Variants in FHOD3 observed in about 807,000 individuals in gnomAD.
FHOD3 encodes formin homology 2 domain containing 3, also known as FH1/FH2 domain-containing protein 3.
FHOD3 carries 90 observed loss-of-function variants against 173.0 expected under a neutral mutation model. The observed-to-expected ratio is 0.52, with a 90% CI of 0.44 to 0.62. The LOEUF is 0.62. Ranked by LOEUF, FHOD3 falls within the 20% of genes least tolerant of loss-of-function variation. The probability of loss-of-function intolerance (pLI) is 0.00; values close to 1 mark genes in which losing one functional copy is unlikely to be tolerated. For synonymous variants in FHOD3, 828 were observed against 823.0 expected (o/e 1.01, Z -0.10); for missense variants, 1,945 against 2,034.7 (o/e 0.96, Z 0.85).
chr18:36,635,926 A>G (rs756078055), intron 10 of FHOD3, among the ~76,000 whole-genome samples: 1 of 152,366 alleles, frequency 6.6e-6, no homozygotes. Context: ...GAACCTTGAC[A>G]TCAGTTATCA....
At position 36,747,061 on chromosome 18, in the gene FHOD3, G is replaced by A. The variant is rs1340595537; in HGVS notation, c.4158G>A (p.Arg1386=). The A allele has an allele frequency of 6.2e-7, 1 of 1,614,114 alleles. No individual in the cohort carries two copies. The highest frequency in any genetic ancestry group is 1.1e-5 in the South Asian group (1 of 91,060). ...AAATGAAACCAGTTTTAAAACAACG[G>A]ATGTCAGAGTTCCTGAAAGACTGTG... The part of the protein sequence containing the change: ...KHEMKPVLKQ[R]MSEFLKDCAE... Residue 1386 remains arginine (R), a synonymous_variant, in exon 24 of 29, where the codon CGG becomes CGA. Coordinates refer to ENST00000590592, the MANE Select transcript of FHOD3 (RefSeq NM_001281740.3).
intron 5 of FHOD3, among the ~76,000 whole-genome samples, chr18:36,548,016 A>G (rs1028471666): frequency 2.0e-5 from 3 of 152,106 alleles, no homozygotes; most frequent in African/African-American, 7.2e-5. Flanking sequence ...ACATGGTGAA[A>G]CCCTGTCTCT....
At chr18:36,329,624 C>T (rs1213452166) in intron 1 of FHOD3, among the ~76,000 whole-genome samples, 1 of 152,098 alleles carries the variant, frequency 6.6e-6, no homozygotes, top group Non-Finnish European at 1.5e-5. Context: ...CAGGATGTGA[C>T]TGGGGGATGC....
At chr18:36,666,478 T>G (rs998920693) in intron 14 of FHOD3, among the ~76,000 whole-genome samples, 1 of 152,218 alleles carries the variant, frequency 6.6e-6, no homozygotes, top group Non-Finnish European at 1.5e-5. Context: ...CCTGTATCAT[T>G]AGACAGGGTG....
At chr18:36,589,900 G>A (rs995033429) in intron 6 of FHOD3, among the ~76,000 whole-genome samples, 1 of 152,106 alleles carries the variant, frequency 6.6e-6, no homozygotes, top group African/African-American at 2.4e-5. Flanking sequence ...AAATGGGCAG[G>A]TGCTTGAGCC....
At chr18:36,467,628 A>G (rs997007390) in intron 3 of FHOD3, among the ~76,000 whole-genome samples, 3 of 152,134 alleles carry the variant, frequency 2.0e-5, no homozygotes, top group African/African-American at 4.8e-5. Context: ...GAAAGGTCAC[A>G]TGAGCTTTCT....
Position 36,709,092 on chromosome 18 carries a change from C to T in FHOD3, c.2237-3C>T. On this transcript the variant is annotated splice_region_variant and splice_polypyrimidine_tract_variant and intron_variant, in intron 17 of 28. Transcript: ENST00000590592. Reference sequence around the variant, plus strand: ...ATATAATCTCCATTGTTGTCTCCACCAGCAAGTGCCGGGGATCCTGAACCC... The same window carrying T: ...ATATAATCTCCATTGTTGTCTCCACTAGCAAGTGCCGGGGATCCTGAACCC... 1.2e-6 allele frequency: 2 copies of T among 1,611,540 alleles called. No individual in the cohort carries two copies. Among genetic ancestry groups the T allele is most frequent in the Non-Finnish European group, 8.5e-7 (1 of 1,177,936 alleles).
intron 3 of FHOD3, among the ~76,000 whole-genome samples, chr18:36,496,875 C>T (rs1048415582): frequency 6.6e-6 from 1 of 152,136 alleles, no homozygotes; most frequent in East Asian, 1.9e-4. Flanking sequence ...GTAACAGATG[C>T]CACATGGTGG....
chr18:36,522,173 G>A (rs943647326), intron 5 of FHOD3, among the ~76,000 whole-genome samples: 3 of 152,160 alleles, frequency 2.0e-5, no homozygotes, highest in Non-Finnish European at 4.4e-5. Flanking sequence ...TCCTTGTTCT[G>A]TGAGATCCTT....
intron 3 of FHOD3, among the ~76,000 whole-genome samples, chr18:36,483,602 C>T (rs1403303476): frequency 6.6e-6 from 1 of 152,180 alleles, no homozygotes; most frequent in African/African-American, 2.4e-5. Context: ...TAGTAAAACA[C>T]ATTACCAAGT....
At chr18:36,591,276 C>T (rs938722539) in intron 6 of FHOD3, among the ~76,000 whole-genome samples, 10 of 152,212 alleles carry the variant, frequency 6.6e-5, no homozygotes, top group African/African-American at 2.4e-4. Flanking sequence ...GTTCCCAGCA[C>T]TCTAAAGTAC....
At chr18:36,504,605 G>T (rs1251418835) in intron 4 of FHOD3, among the ~76,000 whole-genome samples, 1 of 151,000 alleles carries the variant, frequency 6.6e-6, no homozygotes, top group South Asian at 2.1e-4. Flanking sequence ...GGTGGGGGCA[G>T]GGGGGAGGGG....
intron 5 of FHOD3, among the ~76,000 whole-genome samples, chr18:36,566,569 G>T (rs1404118487): frequency 6.6e-6 from 1 of 152,196 alleles, no homozygotes; most frequent in African/African-American, 2.4e-5. Context: ...GACGGAACCA[G>T]AAGGTGTTCC....
intron 3 of FHOD3, among the ~76,000 whole-genome samples, chr18:36,419,334 T>G (rs2049861747): frequency 6.6e-6 from 1 of 151,832 alleles, no homozygotes; most frequent in African/African-American, 2.4e-5. Context: ...AGTGGAGGCC[T>G]CCTGGACAGC....
intron 14 of FHOD3, among the ~76,000 whole-genome samples, chr18:36,679,322 T>G (rs189687904): frequency 7.3e-4 from 111 of 152,228 alleles, no homozygotes; most frequent in African/African-American, 2.4e-3. Context: ...ATGGAACTTG[T>G]CTATTAGGTT....
At chr18:36,309,920 GT>G (rs2092210877) in intron 1 of FHOD3, among the ~76,000 whole-genome samples, 1 of 152,258 alleles carries the variant, frequency 6.6e-6, no homozygotes, top group East Asian at 1.9e-4. Context: ...AAGAGGGCAA[GT>G]GGGGCATTTG....
intron 5 of FHOD3, among the ~76,000 whole-genome samples, chr18:36,529,529 T>G (rs937294197): frequency 1.3e-5 from 2 of 151,990 alleles, no homozygotes; most frequent in Admixed American, 6.6e-5. Context: ...TGTAAAAAGG[T>G]TAAGGTGGGC....
chr18:36,631,804 T>C (rs746049776), intron 10 of FHOD3, among the ~76,000 whole-genome samples: 1 of 152,202 alleles, frequency 6.6e-6, no homozygotes, highest in Non-Finnish European at 1.5e-5. Flanking sequence ...TCTGTGGAAA[T>C]AAATACATGC....
At chr18:36,301,879 A>G (rs1259258182) in intron 1 of FHOD3, among the ~76,000 whole-genome samples, 1 of 152,224 alleles carries the variant, frequency 6.6e-6, no homozygotes, top group East Asian at 1.9e-4. Context: ...TAATGATTTA[A>G]TTCAGGAAAT....
Sources: gnomAD v4.1 joint callset for allele counts (sites outside exome capture counted in the v4.1 genomes callset) on GRCh38, gnomAD v4.1.1 for gene constraint, MANE v1.5 for transcripts, NCBI Gene and HGNC (gene_info 2026-07-23, HGNC 2026-07-21) for gene names.